The following PHEX variants were observed in gnomAD, a reference collection of about 807,000 sequenced individuals.
The protein encoded by PHEX is phosphate-regulating neutral endopeptidase PHEX.
PHEX carries 16 observed loss-of-function variants against 68.0 expected under a neutral mutation model. The observed-to-expected ratio is 0.24, with a 90% CI of 0.16 to 0.36. The LOEUF (loss-of-function observed/expected upper bound fraction) is 0.36, where lower values mean the gene tolerates loss of function less well. Ranked by LOEUF, PHEX falls within the 10% of genes least tolerant of loss-of-function variation. The pLI is 1.00. For missense variants in PHEX, 480 were observed against 575.5 expected (o/e 0.83, Z 1.70); for synonymous variants, 208 against 205.1 (o/e 1.01, Z -0.12).
At chrX:22,157,089 G>A (rs960791471) in intron 12 of PHEX, among the ~76,000 whole-genome samples, 2 of 111,674 alleles carry the variant, frequency 1.8e-5, no homozygotes, top group East Asian at 5.7e-4. Flanking sequence ...TACCATGTTG[G>A]CCAGGCTGGT....
intron 11 of PHEX, among the ~76,000 whole-genome samples, chrX:22,129,043 T>C (rs1251231058): frequency 1.8e-5 from 2 of 111,573 alleles, no homozygotes; most frequent in African/African-American, 3.3e-5. Flanking sequence ...GTTATGTGAA[T>C]GTGGTCTCTC....
At chrX:22,117,109 A>G (rs1931268189) in intron 11 of PHEX, among the ~76,000 whole-genome samples, 1 of 112,398 alleles carries the variant, frequency 8.9e-6, no homozygotes, top group Non-Finnish European at 1.9e-5. Flanking sequence ...GATTAAAAGA[A>G]GTTAATCATT....
chrX:22,108,046 T>C (rs1402874140), intron 9 of PHEX, among the ~76,000 whole-genome samples: 1 of 111,760 alleles, frequency 8.9e-6, no homozygotes, highest in Non-Finnish European at 1.9e-5. Context: ...TTCTTTACGT[T>C]CCTCATGGCA....
At chrX:22,058,212 A>G (rs920237273) in intron 3 of PHEX, among the ~76,000 whole-genome samples, 1 of 111,404 alleles carries the variant, frequency 9.0e-6, no homozygotes, top group African/African-American at 3.3e-5. Context: ...GGATTCTGCC[A>G]CTTATCAGCT....
chrX:22,059,613 A>G (rs771597516), intron 3 of PHEX, among the ~76,000 whole-genome samples: 2 of 112,077 alleles, frequency 1.8e-5, no homozygotes, highest in African/African-American at 6.5e-5. Flanking sequence ...ACTGCTCAAG[A>G]GATGTAGGCA....
intron 20 of PHEX, among the ~76,000 whole-genome samples, chrX:22,229,633 G>A (rs1475069758): frequency 3.6e-5 from 4 of 112,016 alleles, no homozygotes; most frequent in Non-Finnish European, 7.5e-5. Context: ...GTAGATTCTC[G>A]ATACTAGCCC....
intron 3 of PHEX, among the ~76,000 whole-genome samples, chrX:22,055,011 TA>T (rs774075738): frequency 9.4e-6 from 1 of 106,471 alleles, no homozygotes; most frequent in South Asian, 4.3e-4. Flanking sequence ...CCATCTCTAC[TA>T]AAAACAGAAA....
At chrX:22,117,299 C>T (rs779925763) in intron 11 of PHEX, among the ~76,000 whole-genome samples, 1 of 111,271 alleles carries the variant, frequency 9.0e-6, no homozygotes, top group Non-Finnish European at 1.9e-5. Context: ...GTTATTGGGC[C>T]GTGAGAAATA....
chrX:22,192,569 C>A (rs781566861), intron 15 of PHEX, among the ~76,000 whole-genome samples: 2 of 111,818 alleles, frequency 1.8e-5, no homozygotes, highest in East Asian at 2.8e-4. Context: ...CCTTCTGTTC[C>A]GGCCACACTG....
At position 22,221,623 on chromosome X, in the gene PHEX, T is replaced by C; in HGVS notation, c.1779T>C (p.Tyr593=). ...THGFDNNGRK[Y]DKNGNLDPWW... ...TTTTCCTTTTGCTAGGTAGAAAATA[T>C]GATAAAAATGGAAACCTGGATCCTT... Residue 593 remains tyrosine, a synonymous_variant, in exon 18 of 22, where the codon TAT becomes TAC. Transcript: ENST00000379374. The C allele has an allele frequency of 8.3e-7, 1 of 1,203,477 alleles. No homozygotes were observed. The highest frequency in any genetic ancestry group is 1.8e-5 in the South Asian group (1 of 56,819).
At position 22,090,413 on chromosome X, in the gene PHEX, G is replaced by A. The variant is rs1929827456; in HGVS notation, c.664-16G>A. 8.4e-7 allele frequency: 1 copy of A among 1,190,447 alleles called. No individual in the cohort carries two copies. The highest frequency in any genetic ancestry group is 1.7e-5 in the African/African-American group (1 of 57,346). ...TTACAGTGCTAGCAGAATGCTTTCT[G>A]TTTTTGTTTTTACAGCTGGACCAAG... On this transcript the variant is annotated splice_polypyrimidine_tract_variant and intron_variant, in intron 5 of 21. Transcript: ENST00000379374.
chrX:22,224,971 T>TTATTATCATACAGCGCTGTATGATA (rs1935413899), intron 18 of PHEX, among the ~76,000 whole-genome samples: 1 of 113,440 alleles, frequency 8.8e-6, no homozygotes, highest in Non-Finnish European at 1.9e-5. Flanking sequence ...GCTGTATGAT[T>TTATTATCATACAGCGCTGTATGATA]TATTATCATA....
chrX:22,115,408 G>A (rs1931192662), intron 11 of PHEX, among the ~76,000 whole-genome samples: 1 of 112,483 alleles, frequency 8.9e-6, no homozygotes, highest in Non-Finnish European at 1.9e-5. Context: ...GAACACATCT[G>A]TTGTCACACT....
intron 12 of PHEX, among the ~76,000 whole-genome samples, chrX:22,165,416 T>G (rs1004338682): frequency 9.0e-6 from 1 of 111,620 alleles, no homozygotes. Context: ...GAAGTACAAA[T>G]TATACCTCAG....
intron 21 of PHEX, among the ~76,000 whole-genome samples, chrX:22,246,887 T>TTGAACACGGAGTTGAGTAAGAAA (rs1936408316): frequency 8.9e-6 from 1 of 111,939 alleles, no homozygotes. Flanking sequence ...AGTCAACCCT[T>TTGAACACGGAGTTGAGTAAGAAA]TGAACACGGA....
At chrX:22,049,123 CTCTTT>C (rs959072078) in intron 3 of PHEX, among the ~76,000 whole-genome samples, 1 of 111,670 alleles carries the variant, frequency 9.0e-6, no homozygotes, top group African/African-American at 3.3e-5. Flanking sequence ...CTTTCCTTTT[CTCTTT>C]TCTTTTCTTT....
intron 9 of PHEX, among the ~76,000 whole-genome samples, chrX:22,108,113 AG>A (rs1195572786): frequency 9.0e-6 from 1 of 110,857 alleles, no homozygotes; most frequent in African/African-American, 3.3e-5. Context: ...TGTCCTATTA[AG>A]GAGTGGAGAT....
intron 1 of PHEX, among the ~76,000 whole-genome samples, chrX:22,034,873 C>A (rs1181749657): frequency 8.9e-6 from 1 of 111,776 alleles, no homozygotes; most frequent in Non-Finnish European, 1.9e-5. Flanking sequence ...TGGATGTATA[C>A]ATTCAGGGAC....
chrX:22,084,317 C>T (rs969789428), intron 5 of PHEX, among the ~76,000 whole-genome samples: 2 of 111,515 alleles, frequency 1.8e-5, no homozygotes, highest in East Asian at 5.6e-4. Context: ...GTATGTTGAA[C>T]TATCCTGGCA....
Sources: allele counts gnomAD v4.1 joint callset (sites outside exome capture counted in the v4.1 genomes callset), GRCh38; gene constraint gnomAD v4.1.1; transcripts MANE v1.5; gene names NCBI Gene and HGNC (gene_info 2026-07-23, HGNC 2026-07-21).